DHRSX: variants seen among roughly 807,000 people sequenced by gnomAD.
DHRSX encodes the protein dehydrogenase/reductase X-linked, also known as polyprenol dehydrogenase.
A neutral mutation model predicts 34.0 loss-of-function variants in DHRSX; 31 were observed. The ratio of observed to expected loss-of-function variants is 0.91; its 90% CI spans 0.69 to 1.23. The LOEUF (loss-of-function observed/expected upper bound fraction) is 1.23. DHRSX is among the 50% of genes most tolerant of loss of function. The probability of loss-of-function intolerance (pLI) is 0.00; values close to 1 mark genes in which losing one functional copy is unlikely to be tolerated. For synonymous variants in DHRSX, 201 were observed against 183.8 expected, an observed-to-expected ratio of 1.09 and a Z score of -0.76; for missense variants, 414 against 428.1, an observed-to-expected ratio of 0.97 and a Z score of 0.29.
rs761261092 is a variant in DHRSX at position 2,221,074 on chromosome X, A to G, written c.960T>C (p.Cys320=). ...TCACATCAAGGACCCCAGTCATCTCACAACTCTTAGACCACAGCTGCTGCT... is the reference window on the plus strand; with the variant it reads ...TCACATCAAGGACCCCAGTCATCTCGCAACTCTTAGACCACAGCTGCTGCT... ...KLQQQLWSKS[C]EMTGVLDVTL is the part of the protein sequence containing the mutation. The change falls in exon 7 of 7, where the codon TGT becomes TGC. Residue 320 remains cysteine (C), a synonymous_variant. Transcript: ENST00000334651. 1.9e-6 allele frequency: 3 copies of G among 1,613,902 alleles called. No individual in the cohort carries two copies. Among genetic ancestry groups the G allele is most frequent in the Non-Finnish European group, 2.5e-6 (3 of 1,179,848 alleles).
intron 3 of DHRSX, among the ~76,000 whole-genome samples, chrX:2,356,066 C>CA (rs33996876): frequency 0.27 from 30,015 of 111,838 alleles, 3,741 homozygotes; most frequent in Middle Eastern, 0.36. Flanking sequence ...GACTCCGTCT[C>CA]AAAAAAAAAA....
At chrX:2,454,511 G>A (rs1309528511) in intron 1 of DHRSX, among the ~76,000 whole-genome samples, 4 of 140,474 alleles carry the variant, frequency 2.8e-5, no homozygotes, top group Admixed American at 2.8e-4. Flanking sequence ...TGGGCAACAA[G>A]AGAGAAACTC....
chrX:2,402,408 T>G (rs2043497244), intron 3 of DHRSX, among the ~76,000 whole-genome samples: 1 of 152,132 alleles, frequency 6.6e-6, no homozygotes, highest in Non-Finnish European at 1.5e-5. Context: ...AGGTCTCAGC[T>G]GAGGAGGGAA....
intron 3 of DHRSX, among the ~76,000 whole-genome samples, chrX:2,365,496 G>A (rs1275420025): frequency 1.3e-5 from 2 of 152,070 alleles, no homozygotes; most frequent in Non-Finnish European, 2.9e-5. Flanking sequence ...TCTCCTGTAT[G>A]CCTAGAGAGT....
At chrX:2,399,405 T>TA (rs2043455805) in intron 3 of DHRSX, among the ~76,000 whole-genome samples, 2 of 118,652 alleles carry the variant, frequency 1.7e-5, no homozygotes, top group African/African-American at 7.3e-5. Context: ...CATTTTATGT[T>TA]TAAAAAAAAA....
rs756578770 is a variant in DHRSX at position 2,243,065 on chromosome X, G to A, written c.762C>T (p.Ala254=). The A allele has an allele frequency of 1.9e-6, 3 of 1,613,812 alleles. No homozygotes were observed. The highest frequency in any genetic ancestry group is 1.7e-6 in the Non-Finnish European group (2 of 1,179,782). ...NTDVYKHVFW[A]TRLAKKLLGW... ...CGAGAAGCTTCTTCGCCAGACGGGT[G>A]GCCCAGAACACGTGCTTGTAGACGT... is the stretch of plus-strand genomic sequence containing the variant. The change falls in exon 6 of 7, where the codon GCC becomes GCT. Residue 254 remains alanine, a synonymous_variant. Coordinates refer to ENST00000334651, the MANE Select transcript of DHRSX (RefSeq NM_145177.3).
chrX:2,395,207 A>T (rs2043394536), intron 3 of DHRSX, among the ~76,000 whole-genome samples: 1 of 151,768 alleles, frequency 6.6e-6, no homozygotes, highest in Non-Finnish European at 1.5e-5. Context: ...TCTGTTCAGG[A>T]CTCACACTCA....
At chrX:2,344,968 AT>A in intron 3 of DHRSX, among the ~76,000 whole-genome samples, 1 of 148,740 alleles carries the variant, frequency 6.7e-6, no homozygotes, top group Non-Finnish European at 1.5e-5. Flanking sequence ...TTTGAATTTT[AT>A]AAATTTGAAT....
At chrX:2,238,467 G>A (rs776573817) in intron 6 of DHRSX, among the ~76,000 whole-genome samples, 1 of 152,280 alleles carries the variant, frequency 6.6e-6, no homozygotes, top group South Asian at 2.1e-4. Flanking sequence ...ACAGAGGATA[G>A]AGGTTTCAGA....
At chrX:2,412,121 C>A (rs1266846320) in intron 2 of DHRSX, among the ~76,000 whole-genome samples, 2 of 152,206 alleles carry the variant, frequency 1.3e-5, no homozygotes, top group Non-Finnish European at 2.9e-5. Context: ...ATTTGCTGAG[C>A]AAGTACTGCA....
chrX:2,371,339 T>G (rs867454616), intron 3 of DHRSX, among the ~76,000 whole-genome samples: 5 of 130,542 alleles, frequency 3.8e-5, no homozygotes, highest in Non-Finnish European at 8.2e-5. Flanking sequence ...AGTCCCTCCT[T>G]CCGTTACCAT....
intron 1 of DHRSX, among the ~76,000 whole-genome samples, chrX:2,440,661 T>G (rs764381968): frequency 2.6e-5 from 4 of 152,004 alleles, no homozygotes; most frequent in Admixed American, 2.6e-4. Flanking sequence ...CCAGGGTCTT[T>G]GGGTTTTGGA....
intron 1 of DHRSX, among the ~76,000 whole-genome samples, chrX:2,453,888 T>C (rs2044260748): frequency 6.6e-6 from 1 of 152,168 alleles, no homozygotes; most frequent in Non-Finnish European, 1.5e-5. Context: ...TGATTGTTAA[T>C]ATGTTAATTA....
intron 1 of DHRSX, among the ~76,000 whole-genome samples, chrX:2,485,150 AG>A (rs1256977837): frequency 6.6e-6 from 1 of 152,156 alleles, no homozygotes; most frequent in Non-Finnish European, 1.5e-5. Context: ...ACTGTGCGGA[AG>A]GAGTGCCACA....
At chrX:2,328,572 C>T (rs2042418056) in intron 3 of DHRSX, among the ~76,000 whole-genome samples, 1 of 151,736 alleles carries the variant, frequency 6.6e-6, no homozygotes, top group South Asian at 2.1e-4. Flanking sequence ...GAGATGAGGA[C>T]ACAGACACAC....
At chrX:2,315,841 G>A (rs1417508472) in intron 3 of DHRSX, among the ~76,000 whole-genome samples, 1 of 152,086 alleles carries the variant, frequency 6.6e-6, no homozygotes, top group South Asian at 2.1e-4. Flanking sequence ...TCAGCTTCTT[G>A]TGGTTGTGAG....
rs1000275240 is a variant in DHRSX at position 2,330,794 on chromosome X, AAGAG to A, written c.287-39195_287-39192del. 2.2e-4 allele frequency among the ~76,000 whole-genome samples: 31 copies of A among 143,564 alleles called. No homozygotes were observed. In the East Asian group the frequency reaches 3.2e-3, roughly 15 times the overall value. The allele number at this position is 143,564 out of a possible 152,430, so 94.2% of individuals were successfully genotyped here. ...AGGGAGAGAGAATAAGAGAATGAGA[AAGAG>A]AGAATGAAGGAGAGAATAAATGAAA... is the stretch of plus-strand genomic sequence containing the variant. On this transcript the variant is annotated intron_variant, in intron 3 of 6. Coordinates refer to ENST00000334651, the MANE Select transcript of DHRSX (RefSeq NM_145177.3).
At position 2,263,671 on chromosome X, in the gene DHRSX, G is replaced by A. The variant is rs755218217; in HGVS notation, c.596+3069C>T. 4.0e-5 allele frequency among the ~76,000 whole-genome samples: 6 copies of A among 151,532 alleles called. No individual in the cohort carries two copies. The East Asian group carries it at 7.8e-4, about 20-fold the overall frequency. On this transcript the variant is annotated intron_variant, in intron 5 of 6. Coordinates refer to ENST00000334651, the MANE Select transcript of DHRSX (RefSeq NM_145177.3). ...TGGGATTACAGGCGTCCACCACCAC[G>A]CCTGGCTAATTTTGTATTTTTAATA...
intron 3 of DHRSX, among the ~76,000 whole-genome samples, chrX:2,407,483 A>G (rs1328089401): frequency 6.6e-6 from 1 of 152,154 alleles, no homozygotes; most frequent in Non-Finnish European, 1.5e-5. Context: ...CTGTGCGTGG[A>G]TGATTAAAGG....
Sources: allele counts gnomAD v4.1 joint callset (sites outside exome capture counted in the v4.1 genomes callset), GRCh38; gene constraint gnomAD v4.1.1; transcripts MANE v1.5; gene names NCBI Gene and HGNC (gene_info 2026-07-23, HGNC 2026-07-21).